The following SYNJ1 variants were observed in gnomAD, a reference collection of about 807,000 sequenced individuals.
The protein encoded by SYNJ1 is polyphosphatidylinositol phosphatase SYNJ1.
A neutral mutation model predicts 168.2 loss-of-function variants in SYNJ1; 78 were observed. That is an observed-to-expected ratio of 0.46 (90% CI 0.39 to 0.56). The LOEUF (loss-of-function observed/expected upper bound fraction) is 0.56. Ranked by LOEUF, SYNJ1 falls within the 20% of genes least tolerant of loss-of-function variation. SYNJ1 has a pLI of 0.00. For synonymous variants in SYNJ1, 539 were observed against 548.6 expected (o/e 0.98, Z 0.24); for missense variants, 1,303 against 1,597.6 (o/e 0.82, Z 3.14).
At chr21:32,700,197 T>A in intron 3 of SYNJ1, 92 bp from the exon 4 acceptor site, 1 of 1,400,490 alleles carries the variant, frequency 7.1e-7, no homozygotes, top group Non-Finnish European at 9.6e-7. Context: ...AAATCTGACA[T>A]TGTGATTATT....
rs771070426 is a variant in SYNJ1, at chr21:32,678,728, A to G, written c.1427T>C (p.Ile476Thr). 9.3e-6 allele frequency: 15 copies of G among 1,613,624 alleles called. No individual in the cohort carries two copies. The highest frequency in any genetic ancestry group is 1.2e-5 in the Non-Finnish European group (14 of 1,179,784). The change falls in exon 12 of 33, where the codon ATT becomes ACT. Residue 476 changes from isoleucine (I) to threonine (T), a missense_variant. Ile to Thr is a moderately conservative substitution (Grantham distance 89). Coordinates refer to ENST00000674351, the MANE Select transcript of SYNJ1 (RefSeq NM_203446.3). ...NFFDSSKQEA[I>T]DVLLLGNTLN... ...AGTATTTCCCAGTAGCAAAACATCA[A>G]TGGCCTCTTGCTTGGAGCTGTCAAA... is the stretch of plus-strand genomic sequence containing the variant.
intron 32 of SYNJ1, 59 bp downstream of exon 32, chr21:32,634,802 T>A: frequency 6.4e-7 from 1 of 1,570,282 alleles, no homozygotes. Flanking sequence ...CAGAGATTCA[T>A]ACATCTAATG....
chr21:32,664,234 G>GCT (rs913912865), intron 18 of SYNJ1, among the ~76,000 whole-genome samples: 1 of 152,128 alleles, frequency 6.6e-6, no homozygotes, highest in Non-Finnish European at 1.5e-5. Context: ...AATCTGTCTT[G>GCT]CAAGAAGACA....
intron 4 of SYNJ1, among the ~76,000 whole-genome samples, chr21:32,696,723 A>G (rs1267000235): frequency 6.6e-6 from 1 of 151,946 alleles, no homozygotes; most frequent in African/African-American, 2.4e-5. Flanking sequence ...AATAGCCCCA[A>G]CTCCCTGCCA....
intron 15 of SYNJ1, among the ~76,000 whole-genome samples, chr21:32,669,537 T>C (rs2041098106): frequency 6.6e-6 from 1 of 152,166 alleles, no homozygotes; most frequent in Non-Finnish European, 1.5e-5. Context: ...ATACATGATG[T>C]TACAAAATCA....
chr21:32,664,824 C>G lies in SYNJ1; in HGVS notation c.2304+89G>C. 3.3e-6 allele frequency: 4 copies of G among 1,218,524 alleles called. 1 individual carries two copies. In the South Asian group the frequency reaches 7.1e-5, roughly 22 times the overall value. 75.5% of individuals were successfully genotyped at this position (1,218,524 alleles called of 1,614,324 possible). A position where few individuals can be genotyped will look rare whatever the true frequency, so the allele number is the denominator to read the frequency against. ...ATGCATATTTAAGTACAAAAAGACC[C>G]CAAGAAAATTTTAAAACATCTTGAT... On this transcript the variant is annotated intron_variant, in intron 18 of 32. Transcript: ENST00000674351.
chr21:32,664,406 C>T (rs2040838426), intron 18 of SYNJ1, among the ~76,000 whole-genome samples: 1 of 152,188 alleles, frequency 6.6e-6, no homozygotes, highest in Non-Finnish European at 1.5e-5. Flanking sequence ...GGCAGATAGC[C>T]CAGCACTGTG....
At chr21:32,649,044 C>T (rs771773094) in intron 23 of SYNJ1, among the ~76,000 whole-genome samples, 4 of 152,190 alleles carry the variant, frequency 2.6e-5, no homozygotes, top group Non-Finnish European at 2.9e-5. Context: ...ACTTAAATTT[C>T]AATTCCTCTG....
At chr21:32,722,229 T>C (rs1412888746) in intron 2 of SYNJ1, among the ~76,000 whole-genome samples, 1 of 141,674 alleles carries the variant, frequency 7.1e-6, no homozygotes, top group Non-Finnish European at 1.5e-5. Flanking sequence ...TATATATATA[T>C]ATAATGTATG....
intron 3 of SYNJ1, among the ~76,000 whole-genome samples, chr21:32,700,822 G>C (rs964711183): frequency 6.6e-6 from 1 of 152,124 alleles, no homozygotes; most frequent in Non-Finnish European, 1.5e-5. Flanking sequence ...TGAAAAAATG[G>C]TATACTATTA....
At chr21:32,660,694 C>T (rs1035077473) in intron 18 of SYNJ1, among the ~76,000 whole-genome samples, 5 of 152,254 alleles carry the variant, frequency 3.3e-5, no homozygotes, top group South Asian at 2.1e-4. Flanking sequence ...TGCTTTAACT[C>T]GGGCTCTAGA....
chr21:32,720,488 T>C (rs1044511467), intron 2 of SYNJ1, among the ~76,000 whole-genome samples: 4 of 152,208 alleles, frequency 2.6e-5, no homozygotes, highest in African/African-American at 7.2e-5. Context: ...GAGTATTATA[T>C]ATAGTATTAT....
chr21:32,714,466 T>C (rs2042950559), intron 2 of SYNJ1, among the ~76,000 whole-genome samples: 1 of 152,178 alleles, frequency 6.6e-6, no homozygotes, highest in Admixed American at 6.5e-5. Flanking sequence ...AGTGTCTTGA[T>C]TGAAACAGAG....
At chr21:32,709,799 T>C (rs1256536844) in intron 2 of SYNJ1, among the ~76,000 whole-genome samples, 2 of 151,952 alleles carry the variant, frequency 1.3e-5, no homozygotes, top group Non-Finnish European at 2.9e-5. Flanking sequence ...ATTATAGGCG[T>C]AAGCCATGGT....
chr21:32,707,251 TAAC>T (rs1178321881), intron 2 of SYNJ1, among the ~76,000 whole-genome samples: 1 of 151,696 alleles, frequency 6.6e-6, no homozygotes, highest in Admixed American at 6.6e-5. Flanking sequence ...TGTAAACTAG[TAAC>T]AACAGAAACT....
chr21:32,685,995 T>C (rs1463021527), intron 8 of SYNJ1, 78 bp from the exon 9 acceptor site: 4 of 1,437,234 alleles, frequency 2.8e-6, no homozygotes, highest in East Asian at 5.0e-5. Flanking sequence ...TCACATTTCA[T>C]TGACACTGGC....
At chr21:32,727,878 G>A in intron 1 of SYNJ1, 68 bp downstream of exon 1, 2 of 1,525,056 alleles carry the variant, frequency 1.3e-6, no homozygotes, top group South Asian at 2.4e-5. Flanking sequence ...GGTCTTGGAG[G>A]CGTCCGCCCG....
rs1160656058 is a variant in SYNJ1, at chr21:32,678,883, A to G, written c.1354-82T>C. 3.9e-6 allele frequency: 6 copies of G among 1,542,984 alleles called. No individual in the cohort carries two copies. In the African/African-American group the frequency reaches 5.7e-5, roughly 15 times the overall value. ...ACTCATTAGGTTTTTTGAAATTTTA[A>G]ATCAGTTTTATATGATTTTAGTATA... On this transcript the variant is annotated intron_variant, in intron 11 of 32. Transcript: ENST00000674351.
chr21:32,687,284 C>T (rs2041869172), intron 7 of SYNJ1, among the ~76,000 whole-genome samples: 1 of 152,236 alleles, frequency 6.6e-6, no homozygotes, highest in Admixed American at 6.5e-5. Flanking sequence ...GGTACTGAGA[C>T]TTCCACCCCT....
Sources: allele counts gnomAD v4.1 joint callset (sites outside exome capture counted in the v4.1 genomes callset), GRCh38; gene constraint gnomAD v4.1.1; transcripts MANE v1.5; gene names NCBI Gene and HGNC (gene_info 2026-07-23, HGNC 2026-07-21).